RAI1: variants seen among roughly 807,000 people sequenced by gnomAD.
The protein encoded by RAI1 is retinoic acid induced 1.
RAI1 carries 9 observed loss-of-function variants against 123.8 expected under a neutral mutation model. That is an observed-to-expected ratio of 0.07 (90% CI 0.04 to 0.13). The LOEUF is 0.13. Ranked by LOEUF, RAI1 falls within the 10% of genes least tolerant of loss-of-function variation. The probability of loss-of-function intolerance (pLI) is 1.00; values close to 1 mark genes in which losing one functional copy is unlikely to be tolerated. For missense variants in RAI1, 2,256 were observed against 2,545.8 expected (o/e 0.89, Z 2.45); for synonymous variants, 1,231 against 1,127.3 (o/e 1.09, Z -1.84).
At chr17:17,697,249 C>G (rs1915069984) in intron 1 of RAI1, among the ~76,000 whole-genome samples, 1 of 152,252 alleles carries the variant, frequency 6.6e-6, no homozygotes, top group Non-Finnish European at 1.5e-5. Context: ...ATGCAGGGCC[C>G]TGTATCAGAA....
At chr17:17,737,768 T>G (rs935363903) in intron 2 of RAI1, among the ~76,000 whole-genome samples, 6 of 152,202 alleles carry the variant, frequency 3.9e-5, no homozygotes, top group Admixed American at 2.0e-4. Flanking sequence ...CTTCTCGGGC[T>G]CAGCCTGATT....
intron 3 of RAI1, among the ~76,000 whole-genome samples, chr17:17,802,644 C>T (rs1478690624): frequency 1.3e-5 from 2 of 152,162 alleles, no homozygotes; most frequent in South Asian, 2.1e-4. Context: ...GGCGTGGTGG[C>T]GGGCACCTGT....
chr17:17,729,673 C>T (rs1369583636), intron 2 of RAI1, among the ~76,000 whole-genome samples: 2 of 152,222 alleles, frequency 1.3e-5, no homozygotes, highest in African/African-American at 2.4e-5. Context: ...AGCCCTGGAA[C>T]GCACACAGAG....
intron 2 of RAI1, among the ~76,000 whole-genome samples, chr17:17,773,232 T>C (rs539564329): frequency 6.6e-6 from 1 of 152,284 alleles, no homozygotes; most frequent in South Asian, 2.1e-4. Context: ...CCCCAATTTC[T>C]CTGTCTGTAA....
At position 17,795,407 on chromosome 17, in the gene RAI1, A is replaced by G; in HGVS notation, c.2459A>G (p.Glu820Gly). The change falls in exon 3 of 6, where the codon GAG (glutamate) becomes GGG (glycine). Residue 820 changes from glutamate (E) to glycine (G), a missense_variant. This residue lies in a region of RAI1 where 566 missense variants were observed against 616.0 expected (regional missense o/e 0.92). Transcript: ENST00000353383. This position sits in a 1 kb window ranked among gnomAD's most constrained non-coding sequence, Gnocchi z 5.9. ...FKQEEVGGVK[E>G]EAGGLLQCPE... The stretch of plus-strand genomic sequence containing the variant: ...CAGGAGGAGGTGGGTGGGGTGAAGG[A>G]GGAGGCAGGTGGGCTGCTGCAGTGC... The G allele has an allele frequency of 6.3e-7, 1 of 1,590,990 alleles. No homozygotes were observed. Among genetic ancestry groups the G allele is most frequent in the Non-Finnish European group, 8.6e-7 (1 of 1,166,394 alleles).
rs1350433253 is a variant in RAI1, at chr17:17,793,300, C to T, written c.352C>T (p.Leu118Phe). 6.2e-7 allele frequency: 1 copy of T among 1,612,376 alleles called. No individual in the cohort carries two copies. The highest frequency in any genetic ancestry group is 1.3e-5 in the African/African-American group (1 of 74,906). ...AGGCCGCTATGCTGGTGAGGAGAGC[C>T]TTCAGGCTTGGGGGGCCCCACAGCC... ...YPGRYAGEES[L>F]QAWGAPQPPP... The change falls in exon 3 of 6, where the codon CTT becomes TTT. Residue 118 changes from leucine to phenylalanine, a missense_variant. Leu to Phe is a conservative substitution (Grantham distance 22). Coordinates refer to ENST00000353383, the MANE Select transcript of RAI1 (RefSeq NM_030665.4).
chr17:17,711,049 C>CA (rs1241258761), intron 1 of RAI1, among the ~76,000 whole-genome samples: 1 of 152,218 alleles, frequency 6.6e-6, no homozygotes, highest in African/African-American at 2.4e-5. Flanking sequence ...GAGAATGACT[C>CA]ACAGGAATGC....
intron 2 of RAI1, among the ~76,000 whole-genome samples, chr17:17,780,241 T>C (rs963229671): frequency 6.6e-6 from 1 of 152,014 alleles, no homozygotes; most frequent in Non-Finnish European, 1.5e-5. Flanking sequence ...AATTTTTATA[T>C]TTTTAGTAGA....
At chr17:17,784,031 C>T (rs984661428) in intron 2 of RAI1, among the ~76,000 whole-genome samples, 58 of 152,254 alleles carry the variant, frequency 3.8e-4, no homozygotes, top group African/African-American at 1.3e-3. Context: ...CTCTTTTTCT[C>T]TCTCCTTAAT....
Position 17,765,626 on chromosome 17 carries a change from T to C in RAI1, c.-16-27307T>C, listed in dbSNP as rs557585052. ...ATGCACTGAACTCACTTCCACCAGGTACACGTGTGAGGAATCTCCCTGCAA... is the reference window on the plus strand; with the variant it reads ...ATGCACTGAACTCACTTCCACCAGGCACACGTGTGAGGAATCTCCCTGCAA... On this transcript the variant is annotated intron_variant, in intron 2 of 5. Transcript: ENST00000353383. 3.3e-5 allele frequency among the ~76,000 whole-genome samples: 5 copies of C among 152,348 alleles called. No homozygotes were observed. In the South Asian group the frequency reaches 1.0e-3, roughly 32 times the overall value.
intron 2 of RAI1, among the ~76,000 whole-genome samples, chr17:17,736,346 C>G (rs1050157410): frequency 1.3e-5 from 2 of 152,216 alleles, no homozygotes; most frequent in Non-Finnish European, 2.9e-5. Context: ...TCATGCTCTC[C>G]CTCCCAGAGA....
At chr17:17,706,036 A>T (rs983359967) in intron 1 of RAI1, among the ~76,000 whole-genome samples, 3 of 151,020 alleles carry the variant, frequency 2.0e-5, no homozygotes, top group Non-Finnish European at 4.4e-5. Flanking sequence ...AAAAAAAAAA[A>T]AAAAAAAAAA....
chr17:17,715,216 G>C (rs1179568967), intron 1 of RAI1, among the ~76,000 whole-genome samples: 1 of 152,232 alleles, frequency 6.6e-6, no homozygotes, highest in Non-Finnish European at 1.5e-5. Flanking sequence ...CTGAAGCCAG[G>C]GGCTCTGCCT....
In RAI1 at chr17:17,793,023, A is replaced by G. The variant is rs1046435873; in HGVS notation, c.75A>G (p.Ser25=). 10 of 1,613,978 alleles carry G rather than the reference A, an allele frequency of 6.2e-6. No individual in the cohort carries two copies. In the African/African-American group the frequency reaches 1.2e-4, roughly 19 times the overall value. Residue 25 remains serine (S), a synonymous_variant, in exon 3 of 6, where the codon TCA becomes TCG. Transcript: ENST00000353383. Reference sequence around the variant, plus strand: ...ACCAGCAGACCTCGCAGGAAACATCACGCCTAGAGAATTACAGGCAGCCGA... The same window carrying G: ...ACCAGCAGACCTCGCAGGAAACATCGCGCCTAGAGAATTACAGGCAGCCGA... ...QNYQQTSQET[S]RLENYRQPSQ... is the part of the protein sequence containing the mutation.
chr17:17,754,161 A>C (rs930968951), intron 2 of RAI1, among the ~76,000 whole-genome samples: 28 of 146,664 alleles, frequency 1.9e-4, no homozygotes, highest in Non-Finnish European at 3.9e-4. Flanking sequence ...TTTTGTACAA[A>C]GGCATTTTAT....
rs534785610 is a variant in RAI1 at position 17,743,324 on chromosome 17, G to T, written c.-17+19165G>T. 1.3e-3 allele frequency among the ~76,000 whole-genome samples: 205 copies of T among 152,314 alleles called. 1 individual carries two copies. The highest frequency in any genetic ancestry group is 4.7e-3 in the African/African-American group (197 of 41,562). On this transcript the variant is annotated intron_variant, in intron 2 of 5. Coordinates refer to ENST00000353383, the MANE Select transcript of RAI1 (RefSeq NM_030665.4). ...CCTGAAGGCAGAACACTCACCATGGGTAGGCACTTGATAAATGGTAGCCTT... is the reference window on the plus strand; with the variant it reads ...CCTGAAGGCAGAACACTCACCATGGTTAGGCACTTGATAAATGGTAGCCTT...
At chr17:17,808,427 ATTTTATT>A (rs2032641992) in intron 4 of RAI1, among the ~76,000 whole-genome samples, 3 of 112,070 alleles carry the variant, frequency 2.7e-5, no homozygotes, top group East Asian at 2.2e-4. Context: ...ATTTTATTTT[ATTTTATT>A]TTATTTTATT....
At chr17:17,746,821 G>A (rs2029944123) in intron 2 of RAI1, among the ~76,000 whole-genome samples, 1 of 151,752 alleles carries the variant, frequency 6.6e-6, no homozygotes. Context: ...TTTTAGTAGA[G>A]AAGGGGTTTC....
intron 1 of RAI1, among the ~76,000 whole-genome samples, chr17:17,722,133 T>G (rs901904668): frequency 2.0e-5 from 3 of 151,924 alleles, no homozygotes; most frequent in Non-Finnish European, 4.4e-5. Flanking sequence ...ACAGACAGAC[T>G]CACTGGCCAG....
Sources: gnomAD v4.1 joint callset for allele counts (sites outside exome capture counted in the v4.1 genomes callset) on GRCh38, gnomAD v4.1.1 for gene constraint, gnomAD v4.1.1 regional missense constraint, Gnocchi (gnomAD v3.1) non-coding constraint, MANE v1.5 for transcripts, NCBI Gene and HGNC (gene_info 2026-07-23, HGNC 2026-07-21) for gene names.